Variants in PMPCA observed in about 807,000 individuals in gnomAD.
The protein encoded by PMPCA is peptidase, mitochondrial processing subunit alpha.
In PMPCA, 47 loss-of-function variants were observed where a neutral mutation model predicts 59.3. That is an observed-to-expected ratio of 0.79 (90% CI 0.63 to 1.01). The LOEUF is 1.01. Among genes scored for constraint, PMPCA ranks in the 50% least tolerant of loss-of-function variants. PMPCA has a pLI of 0.00. For synonymous variants in PMPCA, 338 were observed against 290.3 expected (o/e 1.16, Z -1.67); for missense variants, 726 against 704.5 (o/e 1.03, Z -0.34).
In PMPCA at chr9:136,421,866, C is replaced by G. The variant is rs776303342; in HGVS notation, c.1298C>G (p.Ser433Ter). The G allele has an allele frequency of 6.2e-7, 1 of 1,606,564 alleles. No individual in the cohort carries two copies. The highest frequency in any genetic ancestry group is 2.2e-5 in the East Asian group (1 of 44,694). Residue 433 changes from serine to a stop codon, truncating the protein, a stop_gained, in exon 12 of 13, where the codon TCA (serine) becomes TGA (stop). Transcript: ENST00000371717. LOFTEE classifies it high-confidence loss of function. ...ELERAKTQLT[S>*]MLMMNLESRP... ...GAACGAGCCAAGACGCAGCTGACAT[C>G]AATGCTCATGATGAACCTGGAATCC...
In PMPCA at chr9:136,423,468, A is replaced by C; in HGVS notation, c.*204A>C. On this transcript the variant is annotated 3_prime_UTR_variant, in exon 13 of 13. Transcript: ENST00000371717. ...GTCAGTATCGAGCCTGACCACCGCA[A>C]GCCAGGAAGCAGGTGAAGTGCCCAG... 1.7e-6 allele frequency: 1 copy of C among 581,660 alleles called. No individual in the cohort carries two copies. The allele number at this position is 581,660 out of a possible 1,614,324, so 36.0% of individuals were successfully genotyped here. A position where few individuals can be genotyped will look rare whatever the true frequency, so the allele number is the denominator to read the frequency against.
intron 2 of PMPCA, 101 bp downstream of exon 2, chr9:136,412,300 CCT>C (rs1835152178): frequency 6.3e-6 from 6 of 946,746 alleles, no homozygotes; most frequent in East Asian, 4.8e-5. Flanking sequence ...TGAATTGTAC[CCT>C]GAGTGGAAAC....
intron 6 of PMPCA, 41 bp from the exon 7 acceptor site, chr9:136,416,910 G>A: frequency 1.3e-6 from 2 of 1,565,904 alleles, no homozygotes; most frequent in Non-Finnish European, 1.7e-6. Context: ...GCCTGGTCAT[G>A]CTGTCTTCAG....
Position 136,415,057 on chromosome 9 carries a change from C to T in PMPCA, c.532+410C>T, listed in dbSNP as rs141252638. Among the ~76,000 whole-genome samples the T allele has an allele frequency of 7.2e-5, 11 of 152,292 alleles. No individual in the cohort carries two copies. In the East Asian group the frequency reaches 2.1e-3, roughly 29 times the overall value. The stretch of plus-strand genomic sequence containing the variant: ...GAGCCATGATTGTGCCACTGCCCTC[C>T]AGCCTGGGCAACAGAGTGAGGCTTT... On this transcript the variant is annotated intron_variant, in intron 5 of 12. Transcript: ENST00000371717.
intron 5 of PMPCA, 132 bp downstream of exon 5, chr9:136,414,779 G>A (rs1037774277): frequency 1.7e-5 from 11 of 635,504 alleles, no homozygotes; most frequent in African/African-American, 7.2e-5. Context: ...AAGTGACAGC[G>A]AGATCTCATA....
Position 136,415,541 on chromosome 9 carries a change from C to T in PMPCA, c.533-750C>T, listed in dbSNP as rs902425102. On this transcript the variant is annotated intron_variant, in intron 5 of 12. Transcript: ENST00000371717. ...TCCAGATACCCTAAGGGTGCAGTTT[C>T]ACAGCAGCTTGCGCTTGGTGTTCAA... 3.9e-5 allele frequency among the ~76,000 whole-genome samples: 6 copies of T among 152,202 alleles called. 1 individual carries two copies. The highest frequency in any genetic ancestry group is 3.3e-4 in the Admixed American group (5 of 15,280).
At chr9:136,415,186 A>G (rs1467171586) in intron 5 of PMPCA, among the ~76,000 whole-genome samples, 1 of 151,968 alleles carries the variant, frequency 6.6e-6, no homozygotes, top group Non-Finnish European at 1.5e-5. Context: ...TGGGAGGATC[A>G]CTTCAGCCCA....
chr9:136,416,313 G>A lies in PMPCA; in HGVS notation c.555G>A (p.Arg185=). The A allele has an allele frequency of 6.2e-7, 1 of 1,613,856 alleles. No individual in the cohort carries two copies. ...RLTDEEVEMT[R]MAVQFELEDL... is the part of the protein sequence containing the mutation. ...CAGATGAAGAAGTCGAGATGACGCG[G>A]ATGGCGGTCCAGTTTGAGCTGGAGG... is the stretch of plus-strand genomic sequence containing the variant. Residue 185 remains arginine, a synonymous_variant, in exon 6 of 13, where the codon CGG becomes CGA. Coordinates refer to ENST00000371717, the MANE Select transcript of PMPCA (RefSeq NM_015160.3).
intron 12 of PMPCA, 104 bp downstream of exon 12, chr9:136,422,080 T>C (rs1835470999): frequency 6.5e-7 from 1 of 1,547,108 alleles, no homozygotes; most frequent in Non-Finnish European, 8.7e-7. Flanking sequence ...GGTATGTCCA[T>C]CACACCCAGA....
intron 9 of PMPCA, 48 bp downstream of exon 9, chr9:136,418,721 G>A (rs374163965): frequency 1.3e-6 from 2 of 1,516,608 alleles, no homozygotes; most frequent in Non-Finnish European, 9.2e-7. Flanking sequence ...GCCAGGCCAG[G>A]TGTGTTTTTG....
chr9:136,419,430 G>C (rs1303678408), intron 11 of PMPCA: 2 of 480,812 alleles, frequency 4.2e-6, no homozygotes, highest in African/African-American at 3.9e-5. Flanking sequence ...TCTCAGCTTT[G>C]CTGGCGAAAC....
chr9:136,416,831 A>T, intron 6 of PMPCA, 120 bp from the exon 7 acceptor site: 1 of 874,480 alleles, frequency 1.1e-6, no homozygotes, highest in Non-Finnish European at 1.8e-6. Flanking sequence ...GTGCAAGTAA[A>T]ATATCAGCTT....
In PMPCA at chr9:136,422,026, C is replaced by G. The variant is rs773562407; in HGVS notation, c.1408+50C>G. 8 of 1,566,970 alleles carry G rather than the reference C, an allele frequency of 5.1e-6. No homozygotes were observed. In the African/African-American group the frequency reaches 8.1e-5, roughly 16 times the overall value. ...GGCTGCCGCAGGCCTCGGCCAGGCT[C>G]AGAGGAGGCCGTCTCGCCCTCCCGC... is the stretch of plus-strand genomic sequence containing the variant. On this transcript the variant is annotated intron_variant, in intron 12 of 12. Coordinates refer to ENST00000371717, the MANE Select transcript of PMPCA (RefSeq NM_015160.3).
chr9:136,423,337 G>C lies in PMPCA; in HGVS notation c.*73G>C. ...TTCCCGTGCGTGTTAGTTTGGACACGAATTTAGTCTAAAAAGCTGTCTGGT... is the reference window on the plus strand; with the variant it reads ...TTCCCGTGCGTGTTAGTTTGGACACCAATTTAGTCTAAAAAGCTGTCTGGT... On this transcript the variant is annotated 3_prime_UTR_variant, in exon 13 of 13. Transcript: ENST00000371717. 1 of 1,458,668 alleles carries C rather than the reference G, an allele frequency of 6.9e-7. No individual in the cohort carries two copies. Among genetic ancestry groups the C allele is most frequent in the South Asian group, 1.2e-5 (1 of 82,036 alleles). The allele number at this position is 1,458,668 out of a possible 1,614,324, so 90.4% of individuals were successfully genotyped here.
chr9:136,416,678 T>C (rs1308730167), intron 6 of PMPCA: 1 of 592,166 alleles, frequency 1.7e-6, no homozygotes, highest in Non-Finnish European at 3.0e-6. Context: ...GTCTGCTGTT[T>C]ATACAATGTT....
Position 136,419,092 on chromosome 9 carries a change from G to A in PMPCA, c.1249G>A (p.Gly417Arg), listed in dbSNP as rs377031022. 67 of 1,613,518 alleles carry A rather than the reference G, an allele frequency of 4.2e-5. No individual in the cohort carries two copies. Among genetic ancestry groups the A allele is most frequent in the Non-Finnish European group, 4.5e-5 (53 of 1,179,490 alleles). Reference protein sequence around the residue: ...IITKEFILMGGTVDTVELERA... With the variant: ...IITKEFILMGRTVDTVELERA... ...CACAAAGGAGTTTATTTTAATGGGC[G>A]GAACCGTGGACACGGTAAGTGCAGT... The change falls in exon 11 of 13, where the codon GGA becomes AGA. Residue 417 changes from glycine (G) to arginine (R), a missense_variant. Gly to Arg is a moderately radical substitution (Grantham distance 125, BLOSUM62 -2). Coordinates refer to ENST00000371717, the MANE Select transcript of PMPCA (RefSeq NM_015160.3).
At position 136,418,034 on chromosome 9, in the gene PMPCA, C is replaced by A; in HGVS notation, c.915C>A (p.Ser305=). The part of the protein sequence containing the change: ...GGIAKLERDM[S]NVSLGPTPIP... ...GGTTACAGCTAGAAAGAGACATGTC[C>A]AATGTCAGCCTGGGCCCGACCCCCA... The change falls in exon 8 of 13, where the codon TCC becomes TCA. Residue 305 remains serine (S), a synonymous_variant. Transcript: ENST00000371717. The A allele has an allele frequency of 6.2e-7, 1 of 1,613,130 alleles. No homozygotes were observed. The highest frequency in any genetic ancestry group is 8.5e-7 in the Non-Finnish European group (1 of 1,179,036).
rs770272761 is a variant in PMPCA, at chr9:136,417,089, G to T, written c.772G>T (p.Val258Leu). ...CCGCATGGTGCTGGCCGGCGTGGGC[G>T]TGGAGCACGAGCATCTGGTGGACTG... is the stretch of plus-strand genomic sequence containing the variant. Reference protein sequence around the residue: ...PDRMVLAGVGVEHEHLVDCAR... With the variant: ...PDRMVLAGVGLEHEHLVDCAR... Residue 258 changes from valine (V) to leucine (L), a missense_variant, in exon 7 of 13, where the codon GTG (valine) becomes TTG (leucine). Coordinates refer to ENST00000371717, the MANE Select transcript of PMPCA (RefSeq NM_015160.3). The T allele has an allele frequency of 8.1e-6, 13 of 1,613,848 alleles. No individual in the cohort carries two copies. The highest frequency in any genetic ancestry group is 1.1e-5 in the Non-Finnish European group (13 of 1,180,036).
rs750783370 is a variant in PMPCA at position 136,412,080 on chromosome 9, C to T, written c.155C>T (p.Pro52Leu). 3 of 1,613,182 alleles carry T rather than the reference C, an allele frequency of 1.9e-6. No individual in the cohort carries two copies. The highest frequency in any genetic ancestry group is 2.5e-6 in the Non-Finnish European group (3 of 1,179,180). ...IPLSSPLPGVPKPVFATVDGQ... is the reference protein window; with the variant it reads ...IPLSSPLPGVLKPVFATVDGQ... ...CTCTCTTCTCCCTTACCTGGAGTAC[C>T]CAAGCCTGTTTTTGCTACAGTTGAT... Residue 52 changes from proline to leucine, a missense_variant, in exon 2 of 13, where the codon CCC becomes CTC. Transcript: ENST00000371717.
Sources: allele counts gnomAD v4.1 joint callset (sites outside exome capture counted in the v4.1 genomes callset), GRCh38; gene constraint gnomAD v4.1.1; transcripts MANE v1.5; gene names NCBI Gene and HGNC (gene_info 2026-07-23, HGNC 2026-07-21).